The following EXOC2 variants were observed in gnomAD, a reference collection of about 807,000 sequenced individuals.
EXOC2 encodes SEC5-like 1.
EXOC2 carries 70 observed loss-of-function variants against 131.8 expected under a neutral mutation model. The ratio of observed to expected loss-of-function variants is 0.53; its 90% confidence interval spans 0.44 to 0.65. The LOEUF (loss-of-function observed/expected upper bound fraction) is 0.65, where lower values mean the gene tolerates loss of function less well. Among genes scored for constraint, EXOC2 ranks in the 30% least tolerant of loss-of-function variants. The pLI, the probability that EXOC2 is intolerant of heterozygous loss-of-function variation, is 0.00. For missense variants in EXOC2, 923 were observed against 1,108.6 expected, an observed-to-expected ratio of 0.83 and a Z score of 2.38; for synonymous variants, 411 against 398.4, an observed-to-expected ratio of 1.03 and a Z score of -0.38.
chr6:525,004 GC>G (rs1420803513), intron 23 of EXOC2: 2 of 152,250 alleles, frequency 1.3e-5, no homozygotes, highest in Non-Finnish European at 2.9e-5. Context: ...AAGGGTTCAA[GC>G]GCCCCCTCCA....
intron 21 of EXOC2, among the ~76,000 whole-genome samples, chr6:552,996 C>A (rs1486541966): frequency 6.6e-6 from 1 of 152,176 alleles, no homozygotes; most frequent in Non-Finnish European, 1.5e-5. Context: ...TGGCTCACTG[C>A]AAGCTTCTCC....
intron 21 of EXOC2, 51 bp downstream of exon 21, chr6:553,803 G>C (rs1395707864): frequency 6.7e-7 from 1 of 1,499,146 alleles, no homozygotes; most frequent in Admixed American, 1.7e-5. Flanking sequence ...TTGCGAAATT[G>C]TTGTTACACA....
At chr6:568,138 T>C (rs1758076243) in intron 13 of EXOC2, among the ~76,000 whole-genome samples, 1 of 152,214 alleles carries the variant, frequency 6.6e-6, no homozygotes, top group Non-Finnish European at 1.5e-5. Context: ...CACAGGGTGC[T>C]AGACATTTGG....
chr6:532,419 A>T, intron 23 of EXOC2, 50 bp downstream of exon 23: 1 of 1,415,982 alleles, frequency 7.1e-7, no homozygotes, highest in Non-Finnish European at 9.3e-7. Context: ...GCAAGTATCA[A>T]TTGATAAAAG....
chr6:510,143 A>G (rs1044635962), intron 23 of EXOC2, among the ~76,000 whole-genome samples: 1 of 152,218 alleles, frequency 6.6e-6, no homozygotes, highest in African/African-American at 2.4e-5. Flanking sequence ...TATCACTATT[A>G]GTAGAACAGA....
In EXOC2 at chr6:656,565, C is replaced by T. The variant is rs754570913; in HGVS notation, c.-43-18704G>A. 1.2e-5 allele frequency: 19 copies of T among 1,592,570 alleles called. No individual in the cohort carries two copies. The East Asian group carries it at 4.3e-4, about 36-fold the overall frequency. ...CCGCACGGGCAGATCGTGCACCACG[C>T]TGCGAGCGCGGCCCAGGGACGAGAC... is the stretch of plus-strand genomic sequence containing the variant. On this transcript the variant is annotated intron_variant, in intron 1 of 27. Transcript: ENST00000230449.
intron 3 of EXOC2, among the ~76,000 whole-genome samples, chr6:632,239 A>G (rs762487667): frequency 2.6e-5 from 4 of 152,268 alleles, no homozygotes; most frequent in Non-Finnish European, 4.4e-5. Context: ...CCTATGAGGT[A>G]GCCAATATAT....
intron 1 of EXOC2, among the ~76,000 whole-genome samples, chr6:671,045 T>C (rs1763838942): frequency 2.8e-5 from 2 of 71,498 alleles, no homozygotes; most frequent in Non-Finnish European, 5.4e-5. Flanking sequence ...TGAGACTCCA[T>C]CTCAAAAAAA....
chr6:609,834 G>C (rs1386257635), intron 7 of EXOC2, among the ~76,000 whole-genome samples: 1 of 152,060 alleles, frequency 6.6e-6, no homozygotes, highest in East Asian at 1.9e-4. Context: ...TATGCTGGTT[G>C]GTTTTAGGGT....
At chr6:548,889 C>G (rs763186044) in intron 22 of EXOC2, among the ~76,000 whole-genome samples, 8 of 152,204 alleles carry the variant, frequency 5.3e-5, no homozygotes, top group Non-Finnish European at 1.2e-4. Context: ...TCCTCATTTT[C>G]TTCCCTCACT....
intron 1 of EXOC2, among the ~76,000 whole-genome samples, chr6:689,462 T>C (rs982019352): frequency 1.3e-5 from 2 of 152,198 alleles, no homozygotes; most frequent in African/African-American, 2.4e-5. Flanking sequence ...TGCACTCACT[T>C]ACCAGCCCCT....
intron 22 of EXOC2, 145 bp downstream of exon 22, chr6:549,028 TAG>T: frequency 1.4e-6 from 1 of 690,000 alleles, no homozygotes; most frequent in Non-Finnish European, 2.6e-6. Context: ...TCCAAAGCTT[TAG>T]CAGGGTGAAG....
At chr6:634,066 G>A (rs975861953) in intron 2 of EXOC2, among the ~76,000 whole-genome samples, 11 of 79,258 alleles carry the variant, frequency 1.4e-4, no homozygotes, top group Non-Finnish European at 3.0e-4. Flanking sequence ...GACACTTGAC[G>A]TTTTCTTTTT....
At chr6:497,332 C>G in intron 25 of EXOC2, 35 bp downstream of exon 25, 1 of 1,597,158 alleles carries the variant, frequency 6.3e-7, no homozygotes, top group African/African-American at 1.3e-5. Context: ...TAAATAACAA[C>G]AGAAGTTCAA....
Position 610,171 on chromosome 6 carries a change from AT to A in EXOC2, c.668del (p.His223LeufsTer4). 2 of 1,613,696 alleles carry A rather than the reference AT, an allele frequency of 1.2e-6. No individual in the cohort carries two copies. The highest frequency in any genetic ancestry group is 1.7e-6 in the Non-Finnish European group (2 of 1,179,842). On this transcript the variant is annotated frameshift_variant, in exon 7 of 28. Coordinates refer to ENST00000230449, the MANE Select transcript of EXOC2 (RefSeq NM_018303.6). LOFTEE classifies it high-confidence loss of function. ...FEAQDALSAI[H>X]QKLEADGTEK... Reference sequence around the variant, plus strand: ...CCGTTCCATCTGCTTCTAGTTTTTGATGGATGGCTAGAAAAAAAAATCTAGT... The same window carrying A: ...CCGTTCCATCTGCTTCTAGTTTTTGAGGATGGCTAGAAAAAAAAATCTAGT...
At chr6:603,742 T>C (rs944436143) in intron 7 of EXOC2, among the ~76,000 whole-genome samples, 2 of 152,206 alleles carry the variant, frequency 1.3e-5, no homozygotes, top group African/African-American at 2.4e-5. Flanking sequence ...TCTTCTTTCA[T>C]TTTGCACGTG....
intron 1 of EXOC2, among the ~76,000 whole-genome samples, chr6:654,027 G>C (rs1453301574): frequency 6.6e-6 from 1 of 152,190 alleles, no homozygotes; most frequent in East Asian, 1.9e-4. Context: ...ACAGCATCTG[G>C]TTTAGTGAAT....
intron 1 of EXOC2, among the ~76,000 whole-genome samples, chr6:649,144 C>A (rs1268667827): frequency 6.6e-6 from 1 of 152,162 alleles, no homozygotes; most frequent in Non-Finnish European, 1.5e-5. Context: ...CCTTCCTCAG[C>A]CTCCAGAGTA....
rs1055466959 is a variant in EXOC2, at chr6:648,748, G to T, written c.-43-10887C>A. On this transcript the variant is annotated intron_variant, in intron 1 of 27. Coordinates refer to ENST00000230449, the MANE Select transcript of EXOC2 (RefSeq NM_018303.6). ...TTTTTTTTTTTTTTTTTGAGACAAG[G>T]TATCACTCTGTCAACCAGGCTGGAG... 2.7e-4 allele frequency among the ~76,000 whole-genome samples: 34 copies of T among 124,782 alleles called. 1 individual carries two copies. The highest frequency in any genetic ancestry group is 1.1e-3 in the African/African-American group (34 of 32,374). 81.9% of individuals were successfully genotyped at this position (124,782 alleles called of 152,430 possible). A position where few individuals can be genotyped will look rare whatever the true frequency, so the allele number is the denominator to read the frequency against.
Sources: gnomAD v4.1 joint callset for allele counts (sites outside exome capture counted in the v4.1 genomes callset) on GRCh38, gnomAD v4.1.1 for gene constraint, MANE v1.5 for transcripts, NCBI Gene and HGNC (gene_info 2026-07-23, HGNC 2026-07-21) for gene names.